INVS: variants seen among roughly 807,000 people sequenced by gnomAD.
INVS encodes the protein inversion of embryo turning homolog.
In INVS, 86 loss-of-function variants were observed where a neutral mutation model predicts 108.8. That is an observed-to-expected ratio of 0.79 (90% confidence interval 0.66 to 0.95). The LOEUF is 0.95. Among genes scored for constraint, INVS ranks in the 40% least tolerant of loss-of-function variants. The probability of loss-of-function intolerance (pLI) is 0.00; values close to 1 mark genes in which losing one functional copy is unlikely to be tolerated. For synonymous variants in INVS, 455 were observed against 473.5 expected (o/e 0.96, Z 0.51); for missense variants, 1,169 against 1,297.4 (o/e 0.90, Z 1.52).
intron 7 of INVS, among the ~76,000 whole-genome samples, chr9:100,243,289 C>G (rs1335965528): frequency 6.6e-6 from 1 of 152,134 alleles, no homozygotes; most frequent in African/African-American, 2.4e-5. Flanking sequence ...ACACAAGTTT[C>G]TTAATCTTAG....
intron 3 of INVS, among the ~76,000 whole-genome samples, chr9:100,160,739 A>T (rs1432005993): frequency 6.6e-6 from 1 of 152,128 alleles, no homozygotes; most frequent in East Asian, 1.9e-4. Context: ...TGGGCTCAAA[A>T]TATTACCCTA....
At chr9:100,232,604 A>G (rs1388088176) in intron 5 of INVS, among the ~76,000 whole-genome samples, 1 of 152,232 alleles carries the variant, frequency 6.6e-6, no homozygotes, top group African/African-American at 2.4e-5. Context: ...CATTTAGGAA[A>G]TAGGGAATCC....
chr9:100,181,734 T>C (rs1022904905), intron 3 of INVS, among the ~76,000 whole-genome samples: 1 of 152,058 alleles, frequency 6.6e-6, no homozygotes, highest in South Asian at 2.1e-4. Context: ...CAAGCTACCA[T>C]TGACTTTCTT....
intron 4 of INVS, among the ~76,000 whole-genome samples, chr9:100,229,260 G>T (rs1831433752): frequency 6.6e-6 from 1 of 152,152 alleles, no homozygotes; most frequent in African/African-American, 2.4e-5. Context: ...AAAGAAGGAT[G>T]ACTTGAACAC....
intron 3 of INVS, among the ~76,000 whole-genome samples, chr9:100,157,432 T>C (rs1220154559): frequency 6.6e-6 from 1 of 151,272 alleles, no homozygotes; most frequent in South Asian, 2.1e-4. Flanking sequence ...GCCTGGCTAA[T>C]TTTTTTTGTA....
chr9:100,242,602 A>G lies in INVS; in HGVS notation c.829A>G (p.Arg277Gly). 11 of 1,611,100 alleles carry G rather than the reference A, an allele frequency of 6.8e-6. No homozygotes were observed. Among genetic ancestry groups the G allele is most frequent in the Non-Finnish European group, 9.3e-6 (11 of 1,177,372 alleles). ...ACAGATTGTCCATCTCCTTTTAGAA[A>G]GAAATAAGTCTGGAACTATCCCATC... ...HAQIVHLLLE[R>G]NKSGTIPSDS... Residue 277 changes from arginine (R) to glycine (G), a missense_variant, in exon 7 of 17, where the codon AGA (arginine) becomes GGA (glycine). Transcript: ENST00000262457.
At chr9:100,167,753 G>A (rs1332140765) in intron 3 of INVS, among the ~76,000 whole-genome samples, 1 of 152,088 alleles carries the variant, frequency 6.6e-6, no homozygotes, top group Admixed American at 6.5e-5. Flanking sequence ...CCTAGAACTA[G>A]TAGTTGGTGC....
chr9:100,289,054 T>C (rs1030058131), intron 13 of INVS, among the ~76,000 whole-genome samples: 5 of 152,198 alleles, frequency 3.3e-5, no homozygotes, highest in African/African-American at 1.2e-4. Context: ...AAATTTTGCT[T>C]ACAAACGGAG....
intron 3 of INVS, among the ~76,000 whole-genome samples, chr9:100,178,167 G>T (rs1174757403): frequency 6.6e-6 from 1 of 152,176 alleles, no homozygotes; most frequent in African/African-American, 2.4e-5. Context: ...CCATGAAGAT[G>T]AGGAAAAACC....
intron 2 of INVS, among the ~76,000 whole-genome samples, chr9:100,110,663 A>G (rs1433356071): frequency 1.3e-5 from 2 of 152,222 alleles, no homozygotes; most frequent in Admixed American, 6.5e-5. Context: ...CTGAAATGCA[A>G]TATAGAGGAT....
chr9:100,290,856 A>G (rs1833590229), intron 13 of INVS, among the ~76,000 whole-genome samples: 1 of 151,920 alleles, frequency 6.6e-6, no homozygotes, highest in African/African-American at 2.4e-5. Context: ...GACTACAGGC[A>G]TGCACTACCA....
chr9:100,123,531 A>G (rs2118885396), intron 2 of INVS, among the ~76,000 whole-genome samples: 1 of 152,218 alleles, frequency 6.6e-6, no homozygotes, highest in South Asian at 2.1e-4. Flanking sequence ...TACTTGCATT[A>G]TTTCCACCTT....
chr9:100,297,399 G>C (rs1293891268), intron 15 of INVS, among the ~76,000 whole-genome samples: 2 of 152,114 alleles, frequency 1.3e-5, no homozygotes, highest in Non-Finnish European at 2.9e-5. Context: ...AGGCATTCTA[G>C]CATCTCAGCC....
At chr9:100,293,233 T>G (rs1179335368) in intron 14 of INVS, among the ~76,000 whole-genome samples, 190 bp downstream of exon 14, 1 of 152,098 alleles carries the variant, frequency 6.6e-6, no homozygotes, top group Admixed American at 6.5e-5. Flanking sequence ...TTGGAAGATG[T>G]TTTTGCCTAG....
chr9:100,177,103 G>T (rs959271215), intron 3 of INVS, among the ~76,000 whole-genome samples: 39 of 151,958 alleles, frequency 2.6e-4, no homozygotes. Context: ...CAGATACTAC[G>T]CTTTTCCCAC....
chr9:100,237,355 A>G (rs1831719430), intron 5 of INVS, among the ~76,000 whole-genome samples: 1 of 152,154 alleles, frequency 6.6e-6, no homozygotes, highest in African/African-American at 2.4e-5. Context: ...CCCCCTTTCC[A>G]GTGGAGTGAA....
At chr9:100,206,248 C>T (rs1425576651) in intron 3 of INVS, among the ~76,000 whole-genome samples, 4 of 152,026 alleles carry the variant, frequency 2.6e-5, no homozygotes, top group African/African-American at 9.7e-5. Context: ...ATGTAAACTG[C>T]GATTACCTCA....
chr9:100,106,487 A>T (rs12346672), intron 2 of INVS, among the ~76,000 whole-genome samples: 1 of 152,072 alleles, frequency 6.6e-6, no homozygotes. Context: ...TCACGACTGC[A>T]TTAGCGCACA....
chr9:100,230,815 C>T (rs1831489516), intron 5 of INVS, among the ~76,000 whole-genome samples: 1 of 152,224 alleles, frequency 6.6e-6, no homozygotes, highest in Non-Finnish European at 1.5e-5. Flanking sequence ...ACGTGTCCGA[C>T]CACTGGTGAT....
Sources: allele counts gnomAD v4.1 joint callset (sites outside exome capture counted in the v4.1 genomes callset), GRCh38; gene constraint gnomAD v4.1.1; transcripts MANE v1.5; gene names NCBI Gene and HGNC (gene_info 2026-07-23, HGNC 2026-07-21).